The following ME1 variants were observed in gnomAD, a reference collection of about 807,000 sequenced individuals.
The protein encoded by ME1 is NADP-dependent malic enzyme.
Under a neutral mutation model 66.4 loss-of-function variants are expected in ME1, and 74 were observed. That is an observed-to-expected ratio of 1.11 (90% CI 0.92 to 1.35). The LOEUF (loss-of-function observed/expected upper bound fraction) is 1.35. ME1 is among the 40% of genes most tolerant of loss of function. ME1 has a pLI of 0.00. For missense variants in ME1, 750 were observed against 694.1 expected, an observed-to-expected ratio of 1.08 and a Z score of -0.90; for synonymous variants, 251 against 235.6, an observed-to-expected ratio of 1.07 and a Z score of -0.60.
At chr6:83,227,082 ATATC>A (rs3833984) in intron 11 of ME1, among the ~76,000 whole-genome samples, 28,267 of 151,954 alleles carry the variant, frequency 0.19, 3,700 homozygotes, top group African/African-American at 0.36. Flanking sequence ...TAAATCTTAG[ATATC>A]TATTTCCAAA....
intron 5 of ME1, among the ~76,000 whole-genome samples, chr6:83,343,521 A>T (rs1214962522): frequency 6.6e-6 from 1 of 152,222 alleles, no homozygotes; most frequent in Non-Finnish European, 1.5e-5. Context: ...TCTACAAATA[A>T]TACACAGCAT....
chr6:83,325,948 C>CAAAAAAAAAA (rs199839173), intron 5 of ME1, among the ~76,000 whole-genome samples: 3 of 120,816 alleles, frequency 2.5e-5, no homozygotes, highest in Non-Finnish European at 3.5e-5. Flanking sequence ...ACGAAGCAAA[C>CAAAAAAAAAA]AAAAAAAAAA....
chr6:83,235,571 C>T (rs1790384178), intron 9 of ME1, among the ~76,000 whole-genome samples: 3 of 148,342 alleles, frequency 2.0e-5, no homozygotes, highest in Non-Finnish European at 4.4e-5. Context: ...CCTGGGTTTA[C>T]ACCATTCTCC....
At chr6:83,400,470 T>G (rs146165038) in intron 2 of ME1, among the ~76,000 whole-genome samples, 11 of 152,344 alleles carry the variant, frequency 7.2e-5, no homozygotes, top group African/African-American at 2.6e-4. Flanking sequence ...TTTATAGCAA[T>G]GCAAGAACAG....
chr6:83,227,625 G>A, intron 10 of ME1, 148 bp from the exon 11 acceptor site: 1 of 607,944 alleles, frequency 1.6e-6, no homozygotes, highest in South Asian at 4.9e-5. Context: ...TTCAAGTATA[G>A]TGACAAAAAG....
chr6:83,319,683 C>T (rs944263257), intron 5 of ME1, among the ~76,000 whole-genome samples: 8 of 152,136 alleles, frequency 5.3e-5, no homozygotes, highest in Non-Finnish European at 1.2e-4. Context: ...GAAGGCAAAA[C>T]CAAAAGCCCA....
intron 9 of ME1, chr6:83,229,341 G>C (rs1790256163): frequency 7.6e-6 from 2 of 264,296 alleles, no homozygotes; most frequent in Non-Finnish European, 1.5e-5. Flanking sequence ...TTATGCTACT[G>C]ACTAAGAAAA....
At chr6:83,355,878 T>C (rs1768878915) in intron 3 of ME1, among the ~76,000 whole-genome samples, 1 of 152,176 alleles carries the variant, frequency 6.6e-6, no homozygotes, top group Admixed American at 6.5e-5. Flanking sequence ...ATCCCTGTTA[T>C]TCTTGATCAA....
At chr6:83,267,633 T>G (rs540507019) in intron 6 of ME1, among the ~76,000 whole-genome samples, 3 of 152,298 alleles carry the variant, frequency 2.0e-5, no homozygotes, top group African/African-American at 4.8e-5. Flanking sequence ...TTGGTCCAAC[T>G]GTTTTCCAGA....
chr6:83,372,273 AT>A (rs1307656344), intron 3 of ME1, among the ~76,000 whole-genome samples: 1 of 152,158 alleles, frequency 6.6e-6, no homozygotes, highest in Non-Finnish European at 1.5e-5. Context: ...TTTCCAACCA[AT>A]TCTTAAGAAC....
intron 3 of ME1, among the ~76,000 whole-genome samples, chr6:83,368,698 C>A (rs1305094981): frequency 1.3e-5 from 2 of 152,006 alleles, no homozygotes; most frequent in Non-Finnish European, 2.9e-5. Context: ...ACTGAGTAGA[C>A]CCTATCATAT....
intron 1 of ME1, among the ~76,000 whole-genome samples, chr6:83,425,552 C>T (rs925840200): frequency 6.6e-6 from 1 of 152,054 alleles, no homozygotes; most frequent in African/African-American, 2.4e-5. Context: ...ACCATCAGAT[C>T]TCGTGAGAAC....
chr6:83,231,790 T>G (rs936605258), intron 9 of ME1, among the ~76,000 whole-genome samples: 19 of 152,270 alleles, frequency 1.2e-4, no homozygotes, highest in Admixed American at 5.2e-4. Context: ...AAAGTGCATG[T>G]GGGCACCTCT....
chr6:83,283,064 T>C (rs1341601463), intron 6 of ME1, among the ~76,000 whole-genome samples: 1 of 149,460 alleles, frequency 6.7e-6, no homozygotes, highest in East Asian at 2.0e-4. Flanking sequence ...CCGTCTCTAC[T>C]AAAAATACAA....
At chr6:83,219,778 G>C (rs1234404749) in intron 12 of ME1, among the ~76,000 whole-genome samples, 2 of 148,454 alleles carry the variant, frequency 1.3e-5, no homozygotes, top group African/African-American at 5.0e-5. Context: ...AGCAGAGATA[G>C]GGTTTCACCA....
intron 6 of ME1, among the ~76,000 whole-genome samples, chr6:83,271,346 GA>G (rs1767079098): frequency 6.6e-6 from 1 of 152,172 alleles, no homozygotes; most frequent in Non-Finnish European, 1.5e-5. Context: ...GGTCATAAGT[GA>G]AAAGAGCTGT....
At chr6:83,212,199 T>C in intron 13 of ME1, 105 bp from the exon 14 acceptor site, 1 of 679,736 alleles carries the variant, frequency 1.5e-6, no homozygotes, top group Non-Finnish European at 2.3e-6. Context: ...ATCCTATGTT[T>C]GCAAAAACAT....
intron 1 of ME1, among the ~76,000 whole-genome samples, chr6:83,414,998 A>G (rs188373648): frequency 1.3e-5 from 2 of 152,332 alleles, no homozygotes; most frequent in East Asian, 1.9e-4. Flanking sequence ...AAGATCTTCA[A>G]TTGAAACGTG....
At chr6:83,293,545 G>A (rs1033281958) in intron 6 of ME1, among the ~76,000 whole-genome samples, 1 of 152,042 alleles carries the variant, frequency 6.6e-6, no homozygotes, top group Non-Finnish European at 1.5e-5. Flanking sequence ...TTTTATTTAG[G>A]TATGTTTTAC....
Sources: gnomAD v4.1 joint callset for allele counts (sites outside exome capture counted in the v4.1 genomes callset) on GRCh38, gnomAD v4.1.1 for gene constraint, MANE v1.5 for transcripts, NCBI Gene and HGNC (gene_info 2026-07-23, HGNC 2026-07-21) for gene names.